The following MAPRE3 variants were observed in gnomAD, a reference collection of about 807,000 sequenced individuals.
MAPRE3 encodes the protein microtubule-associated protein RP/EB family member 3.
Under a neutral mutation model 30.5 loss-of-function variants are expected in MAPRE3, and 2 were observed. The ratio of observed to expected loss-of-function variants is 0.07; its 90% confidence interval spans 0.03 to 0.21. The LOEUF is 0.21. Among genes scored for constraint, MAPRE3 ranks in the 10% least tolerant of loss-of-function variants. MAPRE3 has a pLI of 1.00. For missense variants in MAPRE3, 204 were observed against 351.8 expected, an observed-to-expected ratio of 0.58 and a Z score of 3.36; for synonymous variants, 110 against 127.7, an observed-to-expected ratio of 0.86 and a Z score of 0.93.
In MAPRE3 at chr2:27,026,438, G is replaced by A. The variant is rs1480695474; in HGVS notation, c.*90G>A. 1.7e-5 allele frequency: 20 copies of A among 1,168,366 alleles called. No individual in the cohort carries two copies. Among genetic ancestry groups the A allele is most frequent in the East Asian group, 4.8e-5 (2 of 41,630 alleles). 72.4% of individuals were successfully genotyped at this position (1,168,366 alleles called of 1,614,324 possible). ...ATTATAGTCCTTTCCTAACACGGTCGGCCGGGTGCTTTGTGTCAGTGCTGC... is the reference window on the plus strand; with the variant it reads ...ATTATAGTCCTTTCCTAACACGGTCAGCCGGGTGCTTTGTGTCAGTGCTGC... On this transcript the variant is annotated 3_prime_UTR_variant, in exon 7 of 7. Coordinates refer to ENST00000233121, the MANE Select transcript of MAPRE3 (RefSeq NM_012326.4).
intron 1 of MAPRE3, among the ~76,000 whole-genome samples, chr2:27,011,507 T>C (rs1399082930): frequency 6.6e-6 from 1 of 152,196 alleles, no homozygotes; most frequent in Non-Finnish European, 1.5e-5. Flanking sequence ...TCACTGGGTG[T>C]TGAGCATTTT....
At chr2:27,002,474 T>G (rs1666620973) in intron 1 of MAPRE3, among the ~76,000 whole-genome samples, 1 of 151,852 alleles carries the variant, frequency 6.6e-6, no homozygotes, top group African/African-American at 2.4e-5. Context: ...AACTATATTC[T>G]CACCAATCAT....
At chr2:26,992,501 A>C (rs1448827190) in intron 1 of MAPRE3, among the ~76,000 whole-genome samples, 1 of 151,928 alleles carries the variant, frequency 6.6e-6, no homozygotes, top group African/African-American at 2.4e-5. Flanking sequence ...CTGGGATTAC[A>C]GGCATGAACC....
intron 1 of MAPRE3, among the ~76,000 whole-genome samples, chr2:26,996,139 T>TTATTA (rs1310365250): frequency 1.3e-5 from 2 of 149,424 alleles, no homozygotes; most frequent in Admixed American, 6.7e-5. Flanking sequence ...TTATTTTATT[T>TTATTA]TATTTTATTT....
intron 1 of MAPRE3, among the ~76,000 whole-genome samples, chr2:26,984,051 T>C (rs909946936): frequency 6.6e-6 from 1 of 152,230 alleles, no homozygotes; most frequent in African/African-American, 2.4e-5. Flanking sequence ...TTTGCATCAC[T>C]TGTCTCACCC....
intron 1 of MAPRE3, among the ~76,000 whole-genome samples, chr2:26,995,780 G>GGTGTGTGTGTGGGTGT (rs1666440463): frequency 9.1e-6 from 1 of 109,638 alleles, no homozygotes; most frequent in Non-Finnish European, 1.8e-5. Context: ...TTCTAAGAGA[G>GGTGTGTGTGTGGGTGT]GTGTGTGTGT....
chr2:26,979,002 T>C (rs1208916019), intron 1 of MAPRE3, among the ~76,000 whole-genome samples: 2 of 152,208 alleles, frequency 1.3e-5, no homozygotes, highest in Non-Finnish European at 2.9e-5. Flanking sequence ...GACACAAAAC[T>C]GTATGTCACT....
At chr2:27,023,529 G>GA in intron 3 of MAPRE3, 52 bp downstream of exon 3, 1 of 1,609,116 alleles carries the variant, frequency 6.2e-7, no homozygotes, top group Non-Finnish European at 8.5e-7. Context: ...CCCTGGGGAA[G>GA]AAGAGGACCC....
At position 26,986,806 on chromosome 2, in the gene MAPRE3, A is replaced by G. The variant is rs925533020; in HGVS notation, c.-8+16004A>G. On this transcript the variant is annotated intron_variant, in intron 1 of 6. Coordinates refer to ENST00000233121, the MANE Select transcript of MAPRE3 (RefSeq NM_012326.4). This position sits in a 1 kb window ranked among gnomAD's most constrained non-coding sequence, Gnocchi z 4.2. ...TCCAGAGGATGAATCACAGCAGTAG[A>G]CATGGTATGGGGATTAGAGGTAATG... 2 of 152,272 alleles carry G rather than the reference A, an allele frequency of 1.3e-5. No homozygotes were observed. The highest frequency in any genetic ancestry group is 2.9e-5 in the Non-Finnish European group (2 of 68,114). The allele number at this position is 152,272 out of a possible 1,614,324, so 9.4% of individuals were successfully genotyped here. A position where few individuals can be genotyped will look rare whatever the true frequency, so the allele number is the denominator to read the frequency against.
chr2:26,980,325 G>A (rs1386325872), intron 1 of MAPRE3, among the ~76,000 whole-genome samples: 1 of 152,024 alleles, frequency 6.6e-6, no homozygotes, highest in Non-Finnish European at 1.5e-5. Context: ...CAGCAGGGAG[G>A]GAAAGAAAGT....
At chr2:26,981,632 G>A (rs528049314) in intron 1 of MAPRE3, among the ~76,000 whole-genome samples, 51 of 152,122 alleles carry the variant, frequency 3.4e-4, no homozygotes, top group Non-Finnish European at 6.0e-4. Flanking sequence ...TGTGCCTTCC[G>A]GGTGTGGCTG....
At chr2:27,011,845 CAAAAAAAAA>C (rs377088615) in intron 1 of MAPRE3, 1 of 69,568 alleles carries the variant, frequency 1.4e-5, no homozygotes, top group South Asian at 6.8e-4. Context: ...GACTCCATCT[CAAAAAAAAA>C]AAAAAAAAAA....
chr2:26,973,431 G>A (rs11897106), intron 1 of MAPRE3, among the ~76,000 whole-genome samples: 86,759 of 152,070 alleles, frequency 0.57, 25,295 homozygotes, highest in East Asian at 0.76. Context: ...ATCCAACCCA[G>A]GGTCTTAATG....
chr2:27,025,503 G>T, intron 4 of MAPRE3, 80 bp from the exon 5 acceptor site: 1 of 1,418,274 alleles, frequency 7.1e-7, no homozygotes, highest in Non-Finnish European at 9.6e-7. Context: ...GCCTGCCCCC[G>T]CAGTCCTCAC....
rs924648419 is a variant in MAPRE3, at chr2:27,022,555, A to C, written c.121+216A>C. 3.0e-5 allele frequency: 17 copies of C among 575,702 alleles called. 1 individual carries two copies. Among genetic ancestry groups the C allele is most frequent in the African/African-American group, 2.1e-4 (11 of 53,418 alleles). The allele number at this position is 575,702 out of a possible 1,614,324, so 35.7% of individuals were successfully genotyped here. A position where few individuals can be genotyped will look rare whatever the true frequency, so the allele number is the denominator to read the frequency against. On this transcript the variant is annotated intron_variant, in intron 2 of 6. Coordinates refer to ENST00000233121, the MANE Select transcript of MAPRE3 (RefSeq NM_012326.4). ...GTGTAGCCTACTACACACCTCGGCTATATGGTATAGCCTACTACTCCTAGG... is the reference window on the plus strand; with the variant it reads ...GTGTAGCCTACTACACACCTCGGCTCTATGGTATAGCCTACTACTCCTAGG...
intron 4 of MAPRE3, among the ~76,000 whole-genome samples, chr2:27,024,691 G>C (rs764121597): frequency 2.6e-5 from 4 of 152,158 alleles, no homozygotes; most frequent in Non-Finnish European, 5.9e-5. Context: ...CTGCCCCCTG[G>C]ATGGCCAGGG....
chr2:26,980,437 A>G (rs1298152794), intron 1 of MAPRE3, among the ~76,000 whole-genome samples: 4 of 152,228 alleles, frequency 2.6e-5, no homozygotes, highest in Non-Finnish European at 5.9e-5. Flanking sequence ...TTCTTAAAAT[A>G]TATTTTGTGT....
At chr2:27,026,100 G>A (rs1055313971) in intron 6 of MAPRE3, 68 bp downstream of exon 6, 13 of 1,575,308 alleles carry the variant, frequency 8.3e-6, no homozygotes, top group Admixed American at 5.1e-5. Flanking sequence ...AGCGCGATAG[G>A]GCCAGAAGGG....
chr2:26,971,292 G>T (rs554311874), intron 1 of MAPRE3, among the ~76,000 whole-genome samples: 135 of 152,370 alleles, frequency 8.9e-4, no homozygotes, highest in African/African-American at 3.0e-3. Flanking sequence ...CAGCCTGGGG[G>T]CCTCGGGTTT....
Sources: allele counts gnomAD v4.1 joint callset (sites outside exome capture counted in the v4.1 genomes callset), GRCh38; gene constraint gnomAD v4.1.1; non-coding constraint Gnocchi (gnomAD v3.1); transcripts MANE v1.5; gene names NCBI Gene and HGNC (gene_info 2026-07-23, HGNC 2026-07-21).